Variants in PELP1 observed in about 807,000 individuals in gnomAD.
PELP1 encodes proline-, glutamic acid- and leucine-rich protein 1.
A neutral mutation model predicts 95.5 loss-of-function variants in PELP1; 32 were observed. The observed-to-expected ratio is 0.34, with a 90% confidence interval of 0.25 to 0.45. PELP1 has a LOEUF of 0.45. Among genes scored for constraint, PELP1 ranks in the 20% least tolerant of loss-of-function variants. The probability of loss-of-function intolerance (pLI) is 1.00; values close to 1 mark genes in which losing one functional copy is unlikely to be tolerated. For synonymous variants in PELP1, 668 were observed against 600.1 expected (o/e 1.11, Z -1.65); for missense variants, 1,358 against 1,444.8 (o/e 0.94, Z 0.97).
chr17:4,697,500 C>A (rs1315934807), intron 1 of PELP1, among the ~76,000 whole-genome samples: 1 of 152,042 alleles, frequency 6.6e-6, no homozygotes, highest in South Asian at 2.1e-4. Context: ...GGCAACACAG[C>A]GAGACCCTGT....
chr17:4,673,092 G>A lies in PELP1; in HGVS notation c.1899C>T (p.Pro633=). The A allele has an allele frequency of 6.6e-7, 1 of 1,523,652 alleles. No individual in the cohort carries two copies. Among genetic ancestry groups the A allele is most frequent in the Non-Finnish European group, 8.8e-7 (1 of 1,138,324 alleles). 94.4% of individuals were successfully genotyped at this position (1,523,652 alleles called of 1,614,324 possible). ...CCATGGGCTGCAGGGGAGGAACCCGGGGGTGGGTCAGAGCAGCACAGGTCA... is the reference window on the plus strand; with the variant it reads ...CCATGGGCTGCAGGGGAGGAACCCGAGGGTGGGTCAGAGCAGCACAGGTCA... ...ALVTCAALTH[P]RVPPLQPMGP... Residue 633 remains proline (P), a synonymous_variant, in exon 16 of 17, where the codon CCC becomes CCT. Transcript: ENST00000572293. This position sits in a 1 kb window ranked among gnomAD's most constrained non-coding sequence, Gnocchi z 5.7.
intron 5 of PELP1, among the ~76,000 whole-genome samples, chr17:4,677,909 CCT>C (rs2150555558): frequency 1.3e-5 from 2 of 148,840 alleles, no homozygotes; most frequent in South Asian, 4.3e-4. Flanking sequence ...AGAGTGAGAC[CCT>C]GTCTCAAAAA....
At chr17:4,679,868 G>C (rs184622694) in intron 5 of PELP1, among the ~76,000 whole-genome samples, 50 of 152,252 alleles carry the variant, frequency 3.3e-4, no homozygotes, top group African/African-American at 1.2e-3. Flanking sequence ...CTCAGAACTA[G>C]CATCTGCTCA....
At chr17:4,699,733 T>A (rs1238677547) in intron 1 of PELP1, among the ~76,000 whole-genome samples, 1 of 151,844 alleles carries the variant, frequency 6.6e-6, no homozygotes, top group African/African-American at 2.4e-5. Flanking sequence ...ATTACAGGCA[T>A]GCGTCACCAC....
Position 4,703,920 on chromosome 17 carries a change from T to C in PELP1, c.192A>G (p.Pro64=), listed in dbSNP as rs202145012. The change falls in exon 1 of 17, where the codon CCA becomes CCG. Residue 64 remains proline (P), a synonymous_variant. Coordinates refer to ENST00000572293, the MANE Select transcript of PELP1 (RefSeq NM_014389.3). Reference sequence around the variant, plus strand: ...ATAGGCACATGAGCCCGGGCAAATGTGGGGCCGAGCGGTTTGGGGGATGCA... The same window carrying C: ...ATAGGCACATGAGCCCGGGCAAATGCGGGGCCGAGCGGTTTGGGGGATGCA... ...APVHPPNRSA[P]HLPGLMCLLR... 2.3e-4 allele frequency: 373 copies of C among 1,613,316 alleles called. No individual in the cohort carries two copies. The highest frequency in any genetic ancestry group is 4.7e-5 in the Non-Finnish European group (55 of 1,179,714).
chr17:4,701,612 C>T (rs897291689), intron 1 of PELP1, among the ~76,000 whole-genome samples: 4 of 152,182 alleles, frequency 2.6e-5, no homozygotes, highest in East Asian at 1.9e-4. Flanking sequence ...GCAGTACCTG[C>T]GGAAAAGCCA....
rs1431461264 is a variant in PELP1, at chr17:4,671,544, A to G, written c.3301-13T>C. On this transcript the variant is annotated splice_polypyrimidine_tract_variant and intron_variant, in intron 16 of 16. Transcript: ENST00000572293. Reference sequence around the variant, plus strand: ...TGTCATCCTGCTCCTTTTAGGCACAAAGATACAAGATTCAGAATAGTCACA... The same window carrying G: ...TGTCATCCTGCTCCTTTTAGGCACAGAGATACAAGATTCAGAATAGTCACA... The G allele has an allele frequency of 4.3e-6, 7 of 1,613,400 alleles. No individual in the cohort carries two copies. Among genetic ancestry groups the G allele is most frequent in the African/African-American group, 1.3e-5 (1 of 74,920 alleles).
chr17:4,703,553 T>C (rs1360837860), intron 1 of PELP1, among the ~76,000 whole-genome samples: 1 of 152,182 alleles, frequency 6.6e-6, no homozygotes, highest in Non-Finnish European at 1.5e-5. Flanking sequence ...AAACAGATAT[T>C]GCCAGAGGAA....
chr17:4,700,202 G>A (rs563344732), intron 1 of PELP1, among the ~76,000 whole-genome samples: 1 of 152,242 alleles, frequency 6.6e-6, no homozygotes, highest in East Asian at 1.9e-4. Flanking sequence ...ATCACGCCTG[G>A]CCGAGGATGA....
In PELP1 at chr17:4,676,467, G is replaced by C; in HGVS notation, c.743C>G (p.Ala248Gly). The C allele has an allele frequency of 1.2e-6, 2 of 1,613,788 alleles. No individual in the cohort carries two copies. The highest frequency in any genetic ancestry group is 2.2e-5 in the South Asian group (2 of 91,054). Residue 248 changes from alanine to glycine, a missense_variant, in exon 7 of 17, where the codon GCT becomes GGT. Transcript: ENST00000572293. ...ECYSRLPSLG[A>G]GFSQGLKHTE... ...GTGCTTCAGGCCTTGGGAAAAGCCA[G>C]CCCCTAAAGAGGGCAGCCGGGAATA...
intron 1 of PELP1, among the ~76,000 whole-genome samples, chr17:4,697,956 G>C (rs950963606): frequency 6.7e-6 from 1 of 148,482 alleles, no homozygotes; most frequent in Non-Finnish European, 1.5e-5. Flanking sequence ...GCTTAACCTA[G>C]AATACGTGCT....
In PELP1 at chr17:4,673,020, T is replaced by C. The variant is rs758520016; in HGVS notation, c.1971A>G (p.Pro657=). The C allele has an allele frequency of 2.6e-6, 4 of 1,536,676 alleles. No homozygotes were observed. The Admixed American group carries it at 6.2e-5, about 24-fold the overall frequency. The change falls in exon 16 of 17, where the codon CCA becomes CCG. Residue 657 remains proline (P), a synonymous_variant. Transcript: ENST00000572293. This position sits in a 1 kb window ranked among gnomAD's most constrained non-coding sequence, Gnocchi z 5.7. ...GGAACGGTGGGGCCCTGAAGGGCGA[T>C]GGGGCCTCAGGAGGGGGAACTGGAG... ...TPAPVPPPEA[P]SPFRAPPFHP...
chr17:4,675,898 G>C lies in PELP1; in HGVS notation c.981-14C>G. The C allele has an allele frequency of 6.3e-7, 1 of 1,585,734 alleles. No homozygotes were observed. The highest frequency in any genetic ancestry group is 8.6e-7 in the Non-Finnish European group (1 of 1,164,876). ...CCAAACTCAGAGCTAAAGAGAATCAGAGCAGGGAGACCTTCAGAGCAGGCT... is the reference window on the plus strand; with the variant it reads ...CCAAACTCAGAGCTAAAGAGAATCACAGCAGGGAGACCTTCAGAGCAGGCT... On this transcript the variant is annotated splice_polypyrimidine_tract_variant and intron_variant, in intron 8 of 16. Coordinates refer to ENST00000572293, the MANE Select transcript of PELP1 (RefSeq NM_014389.3). The surrounding 1 kb of genome is among the most constrained non-coding windows in gnomAD (Gnocchi z 4.3).
At chr17:4,698,773 T>C (rs1175028544) in intron 1 of PELP1, among the ~76,000 whole-genome samples, 1 of 152,078 alleles carries the variant, frequency 6.6e-6, no homozygotes, top group African/African-American at 2.4e-5. Context: ...TTAGGAGAAC[T>C]GATGGCAAAA....
At chr17:4,686,393 CAACCCTAG>C (rs1391893754) in intron 3 of PELP1, among the ~76,000 whole-genome samples, 1 of 152,208 alleles carries the variant, frequency 6.6e-6, no homozygotes, top group Admixed American at 6.5e-5. Context: ...TCTACTGCCA[CAACCCTAG>C]TCCAAGCTAC....
At chr17:4,693,235 A>G (rs1339241003) in intron 1 of PELP1, among the ~76,000 whole-genome samples, 4 of 152,338 alleles carry the variant, frequency 2.6e-5, no homozygotes, top group South Asian at 2.1e-4. Flanking sequence ...CAACTTGTAC[A>G]TGGACGTTCA....
At position 4,699,983 on chromosome 17, in the gene PELP1, A is replaced by C. The variant is rs578132622; in HGVS notation, c.249+3880T>G. Among the ~76,000 whole-genome samples the C allele has an allele frequency of 1.4e-4, 20 of 140,708 alleles. No individual in the cohort carries two copies. The East Asian group carries it at 3.9e-3, about 28-fold the overall frequency. The allele number at this position is 140,708 out of a possible 152,430, so 92.3% of individuals were successfully genotyped here. ...AGAGGCGCGATCTCGGCTCACTGCA[A>C]CCTCTGCCCCGAGTTCAAGCGATTC... On this transcript the variant is annotated intron_variant, in intron 1 of 16. Transcript: ENST00000572293.
chr17:4,699,897 A>ATT (rs34806511), intron 1 of PELP1, among the ~76,000 whole-genome samples: 5,541 of 86,688 alleles, frequency 0.064, 681 homozygotes, highest in African/African-American at 0.13. Context: ...CTAGAGGGTG[A>ATT]TTTTTTTTTT....
Position 4,673,838 on chromosome 17 carries a change from T to G in PELP1, c.1583-164A>C. The G allele has an allele frequency of 1.6e-6, 1 of 639,948 alleles. No individual in the cohort carries two copies. Among genetic ancestry groups the G allele is most frequent in the East Asian group, 2.7e-5 (1 of 37,294 alleles). 39.6% of individuals were successfully genotyped at this position (639,948 alleles called of 1,614,324 possible). A position where few individuals can be genotyped will look rare whatever the true frequency, so the allele number is the denominator to read the frequency against. The stretch of plus-strand genomic sequence containing the variant: ...ATGGGGATCATAAAAGTACCTCTAC[T>G]GTATAGGGCCACTGACGGTATTTAA... On this transcript the variant is annotated intron_variant, in intron 13 of 16. Transcript: ENST00000572293. This position sits in a 1 kb window ranked among gnomAD's most constrained non-coding sequence, Gnocchi z 5.7.
Sources: allele counts gnomAD v4.1 joint callset (sites outside exome capture counted in the v4.1 genomes callset), GRCh38; gene constraint gnomAD v4.1.1; non-coding constraint Gnocchi (gnomAD v3.1); transcripts MANE v1.5; gene names NCBI Gene and HGNC (gene_info 2026-07-23, HGNC 2026-07-21).